Variants in NTRK2 observed in about 807,000 individuals in gnomAD.
NTRK2 encodes the protein neurotrophic receptor tyrosine kinase 2.
A neutral mutation model predicts 94.5 loss-of-function variants in NTRK2; 13 were observed. That is an observed-to-expected ratio of 0.14 (90% CI 0.09 to 0.22). The LOEUF (loss-of-function observed/expected upper bound fraction) is 0.22. Ranked by LOEUF, NTRK2 falls within the 10% of genes least tolerant of loss-of-function variation. NTRK2 has a pLI of 1.00. For missense variants in NTRK2, 639 were observed against 1,071.2 expected (o/e 0.60, Z 5.63); for synonymous variants, 372 against 407.4 (o/e 0.91, Z 1.05).
intron 2 of NTRK2, among the ~76,000 whole-genome samples, chr9:84,691,204 C>T (rs369792408): frequency 3.3e-5 from 5 of 152,292 alleles, no homozygotes; most frequent in African/African-American, 1.2e-4. Flanking sequence ...AAAGGAATTT[C>T]TTTTGCAGGA....
At chr9:84,976,010 C>T (rs941582143) in intron 17 of NTRK2, among the ~76,000 whole-genome samples, 3 of 152,090 alleles carry the variant, frequency 2.0e-5, no homozygotes, top group Non-Finnish European at 4.4e-5. Flanking sequence ...AAGAGCTCTG[C>T]CTTTTGGTAG....
intron 12 of NTRK2, among the ~76,000 whole-genome samples, chr9:84,762,813 C>T (rs1223440709): frequency 1.3e-5 from 2 of 152,192 alleles, no homozygotes; most frequent in Non-Finnish European, 2.9e-5. Flanking sequence ...TCCACACTTT[C>T]TCTGTCACTT....
At chr9:84,760,769 G>A (rs937559129) in intron 12 of NTRK2, among the ~76,000 whole-genome samples, 1 of 152,144 alleles carries the variant, frequency 6.6e-6, no homozygotes, top group African/African-American at 2.4e-5. Context: ...GGAATGGGAG[G>A]GGGATGGGAC....
chr9:84,694,283 T>G (rs180894178), intron 2 of NTRK2, among the ~76,000 whole-genome samples: 1 of 152,328 alleles, frequency 6.6e-6, no homozygotes, highest in East Asian at 1.9e-4. Context: ...AGCATTATTT[T>G]GTTAGGAGAC....
chr9:84,955,712 G>T, intron 17 of NTRK2, 195 bp downstream of exon 17: 1 of 666,806 alleles, frequency 1.5e-6, no homozygotes, highest in Non-Finnish European at 2.7e-6. Flanking sequence ...CTGAGGCCTC[G>T]CTCCTTGGCT....
chr9:84,728,544 G>C (rs2062622185), intron 9 of NTRK2, among the ~76,000 whole-genome samples: 1 of 152,150 alleles, frequency 6.6e-6, no homozygotes, highest in Admixed American at 6.5e-5. Flanking sequence ...AACTGTGTAT[G>C]GTTGGCTCGT....
intron 8 of NTRK2, 84 bp downstream of exon 8, chr9:84,724,440 G>A (rs2132035205): frequency 6.6e-7 from 1 of 1,526,220 alleles, no homozygotes; most frequent in Non-Finnish European, 9.1e-7. Flanking sequence ...TCTGGGTGCT[G>A]CTTAAATTTG....
At chr9:84,925,119 C>G (rs966726724) in intron 14 of NTRK2, among the ~76,000 whole-genome samples, 4 of 152,048 alleles carry the variant, frequency 2.6e-5, no homozygotes, top group African/African-American at 9.7e-5. Context: ...TTTTCTGTGC[C>G]CCCACCCCAC....
intron 14 of NTRK2, chr9:84,872,441 G>C: frequency 9.3e-7 from 1 of 1,075,264 alleles, no homozygotes; most frequent in Non-Finnish European, 1.1e-6. Context: ...GTCTTCCCTA[G>C]AGCAGCCTTG....
intron 2 of NTRK2, among the ~76,000 whole-genome samples, chr9:84,692,058 C>T (rs943793738): frequency 6.6e-6 from 1 of 152,104 alleles, no homozygotes; most frequent in African/African-American, 2.4e-5. Flanking sequence ...GAGAGTAGTT[C>T]AGTGTCATTT....
At position 84,798,912 on chromosome 9, in the gene NTRK2, C is replaced by CTATATATATATATATATA. The variant is rs57167822; in HGVS notation, c.1396+46839_1396+46856dup. The stretch of plus-strand genomic sequence containing the variant: ...GCTATATGCCAGACACTTCTAAGTG[C>CTATATATATATATATATA]TATATATATATATATATATATATAT... On this transcript the variant is annotated intron_variant, in intron 12 of 18. Transcript: ENST00000277120. 3.9e-3 allele frequency among the ~76,000 whole-genome samples: 503 copies of CTATATATATATATATATA among 127,890 alleles called. 8 individuals carry two copies. Among genetic ancestry groups the CTATATATATATATATATA allele is most frequent in the African/African-American group, 4.3e-3 (139 of 32,064 alleles). The allele number at this position is 127,890 out of a possible 152,430, so 83.9% of individuals were successfully genotyped here.
chr9:84,727,499 G>A (rs2062549994), intron 8 of NTRK2, among the ~76,000 whole-genome samples, 155 bp from the exon 9 acceptor site: 2 of 152,172 alleles, frequency 1.3e-5, no homozygotes, highest in Admixed American at 6.5e-5. Context: ...CCCTGATGAT[G>A]ATACAAAATA....
intron 14 of NTRK2, among the ~76,000 whole-genome samples, chr9:84,887,528 G>T (rs2076454766): frequency 6.6e-6 from 1 of 152,182 alleles, no homozygotes; most frequent in Non-Finnish European, 1.5e-5. Flanking sequence ...TGCCTTTAAA[G>T]GCCTCGGAGA....
At chr9:84,684,341 C>T (rs944976528) in intron 2 of NTRK2, among the ~76,000 whole-genome samples, 11 of 152,006 alleles carry the variant, frequency 7.2e-5, no homozygotes, top group Middle Eastern at 3.2e-3. Flanking sequence ...TACATTTAGG[C>T]CTTTAATCCA....
At chr9:84,903,439 C>G (rs920306397) in intron 14 of NTRK2, among the ~76,000 whole-genome samples, 1 of 152,226 alleles carries the variant, frequency 6.6e-6, no homozygotes, top group African/African-American at 2.4e-5. Flanking sequence ...CCATTTCTCA[C>G]AATCTCATCA....
At chr9:84,852,519 C>T (rs564904078) in intron 12 of NTRK2, among the ~76,000 whole-genome samples, 6 of 152,278 alleles carry the variant, frequency 3.9e-5, no homozygotes, top group East Asian at 3.9e-4. Flanking sequence ...GCAGAGGTTG[C>T]CCCTGCCTTT....
At chr9:84,952,691 C>T (rs977924471) in intron 16 of NTRK2, among the ~76,000 whole-genome samples, 1 of 152,120 alleles carries the variant, frequency 6.6e-6, no homozygotes, top group South Asian at 2.1e-4. Context: ...GAAAGTTGAA[C>T]AGCAAATACC....
In NTRK2 at chr9:84,730,698, A is replaced by G. The variant is rs62561190; in HGVS notation, c.1159+2739A>G. Among the ~76,000 whole-genome samples, 7 of 114,544 alleles carry G rather than the reference A, an allele frequency of 6.1e-5. 1 individual carries two copies. Among genetic ancestry groups the G allele is most frequent in the South Asian group, 2.7e-4 (1 of 3,686 alleles). 75.1% of individuals were successfully genotyped at this position (114,544 alleles called of 152,430 possible). A position where few individuals can be genotyped will look rare whatever the true frequency, so the allele number is the denominator to read the frequency against. On this transcript the variant is annotated intron_variant, in intron 9 of 18. Coordinates refer to ENST00000277120, the MANE Select transcript of NTRK2 (RefSeq NM_006180.6). ...GGAGCTTGCAGTGAGCCGAGATCGC[A>G]CCACTGCACTCCAGCCTGGGCGACA...
chr9:85,021,332 G>A lies in NTRK2; in HGVS notation c.2412G>A (p.Gly804=), dbSNP rs762336326. ...AGGAGGTGTATGAGCTGATGCTGGGGTGCTGGCAGCGAGAGCCCCACATGA... is the reference window on the plus strand; with the variant it reads ...AGGAGGTGTATGAGCTGATGCTGGGATGCTGGCAGCGAGAGCCCCACATGA... ...CPQEVYELML[G]CWQREPHMRK... The change falls in exon 19 of 19, where the codon GGG becomes GGA. Residue 804 remains glycine, a synonymous_variant. Transcript: ENST00000277120. 6.2e-7 allele frequency: 1 copy of A among 1,614,054 alleles called. No individual in the cohort carries two copies. The highest frequency in any genetic ancestry group is 1.7e-5 in the Admixed American group (1 of 60,002).
Sources: gnomAD v4.1 joint callset for allele counts (sites outside exome capture counted in the v4.1 genomes callset) on GRCh38, gnomAD v4.1.1 for gene constraint, MANE v1.5 for transcripts, NCBI Gene and HGNC (gene_info 2026-07-23, HGNC 2026-07-21) for gene names.